Variants in MNAT1 observed in about 807,000 individuals in gnomAD.
The protein encoded by MNAT1 is CDK-activating kinase assembly factor MAT1.
A neutral mutation model predicts 42.0 loss-of-function variants in MNAT1; 43 were observed. The ratio of observed to expected loss-of-function variants is 1.02; its 90% confidence interval spans 0.80 to 1.32. MNAT1 has a LOEUF of 1.32. Ranked by LOEUF, MNAT1 falls within the 40% of genes most tolerant of loss-of-function variation. MNAT1 has a pLI of 0.00. For missense variants in MNAT1, 306 were observed against 350.4 expected (o/e 0.87, Z 1.01); for synonymous variants, 118 against 120.0 (o/e 0.98, Z 0.11).
chr14:60,948,794 T>A (rs750270105), intron 7 of MNAT1, among the ~76,000 whole-genome samples: 257 of 152,342 alleles, frequency 1.7e-3, no homozygotes, highest in Admixed American at 3.1e-3. Context: ...AATAGTTGAA[T>A]TCTTTTCAAG....
rs987187935 is a variant in MNAT1, at chr14:60,888,495, A to T, written c.809+8660A>T. On this transcript the variant is annotated intron_variant, in intron 7 of 7. Coordinates refer to ENST00000261245, the MANE Select transcript of MNAT1 (RefSeq NM_002431.4). ...GACAAACCCATAGCCAATATCATACAGAATGGACAAAAAATGGAAGCATTC... is the reference window on the plus strand; with the variant it reads ...GACAAACCCATAGCCAATATCATACTGAATGGACAAAAAATGGAAGCATTC... Among the ~76,000 whole-genome samples, 849 of 152,192 alleles carry T rather than the reference A, an allele frequency of 5.6e-3. 17 individuals are homozygous for T. The highest frequency in any genetic ancestry group is 0.019 in the African/African-American group (806 of 41,448).
chr14:60,755,510 C>G (rs547365715), intron 1 of MNAT1, among the ~76,000 whole-genome samples: 20 of 152,154 alleles, frequency 1.3e-4, no homozygotes, highest in Non-Finnish European at 2.8e-4. Context: ...CTCTTAGGCT[C>G]AAGCCATCCT....
chr14:60,853,819 A>T lies in MNAT1; in HGVS notation c.688-25895A>T, dbSNP rs183199235. ...TTGAGAAAATCATGTGTTTTTTGTC[A>T]TTGGTTCTGTTTATGTGATTGATTA... On this transcript the variant is annotated intron_variant, in intron 6 of 7. Coordinates refer to ENST00000261245, the MANE Select transcript of MNAT1 (RefSeq NM_002431.4). 4.6e-5 allele frequency among the ~76,000 whole-genome samples: 7 copies of T among 152,204 alleles called. No individual in the cohort carries two copies. In the East Asian group the frequency reaches 1.4e-3, roughly 29 times the overall value.
chr14:60,929,168 A>ATATATATAT (rs57837834), intron 7 of MNAT1, among the ~76,000 whole-genome samples: 18 of 86,130 alleles, frequency 2.1e-4, no homozygotes, highest in African/African-American at 9.8e-4. Flanking sequence ...AAAAAAAAAA[A>ATATATATAT]AAATATATAT....
intron 1 of MNAT1, among the ~76,000 whole-genome samples, chr14:60,755,541 T>C (rs2030313441): frequency 6.6e-6 from 1 of 152,170 alleles, no homozygotes; most frequent in African/African-American, 2.4e-5. Context: ...CCTCCCAAAG[T>C]GTTGGGATTG....
intron 1 of MNAT1, among the ~76,000 whole-genome samples, chr14:60,781,210 AT>A (rs916645284): frequency 5.6e-4 from 85 of 151,716 alleles, no homozygotes; most frequent in African/African-American, 2.0e-3. Context: ...ACTCTTAAAA[AT>A]TTTTTTTTGT....
At chr14:60,832,508 G>A (rs2033255035) in intron 6 of MNAT1, among the ~76,000 whole-genome samples, 1 of 152,072 alleles carries the variant, frequency 6.6e-6, no homozygotes, top group Non-Finnish European at 1.5e-5. Flanking sequence ...CGTTATTTTT[G>A]AGGCCTCTTT....
chr14:60,768,654 C>A (rs935531207), intron 1 of MNAT1, among the ~76,000 whole-genome samples: 4 of 152,152 alleles, frequency 2.6e-5, no homozygotes, highest in African/African-American at 7.2e-5. Context: ...TATTCGTTAT[C>A]TCATTTAATC....
At chr14:60,918,183 A>G (rs1416789941) in intron 7 of MNAT1, among the ~76,000 whole-genome samples, 2 of 142,530 alleles carry the variant, frequency 1.4e-5, no homozygotes, top group Non-Finnish European at 1.5e-5. Flanking sequence ...AGAAGGATCA[A>G]TCCAATTAAT....
intron 7 of MNAT1, among the ~76,000 whole-genome samples, chr14:60,889,409 T>C (rs2034775418): frequency 6.6e-6 from 1 of 152,136 alleles, no homozygotes; most frequent in South Asian, 2.1e-4. Flanking sequence ...TGTAGAAAGC[T>C]GAAACTGGAT....
chr14:60,829,350 T>C (rs188226029), intron 6 of MNAT1, among the ~76,000 whole-genome samples: 1 of 152,354 alleles, frequency 6.6e-6, no homozygotes, highest in Admixed American at 6.5e-5. Context: ...CTCTTTCTTA[T>C]ATATTCCTAT....
intron 6 of MNAT1, among the ~76,000 whole-genome samples, chr14:60,862,492 A>T (rs182489290): frequency 6.6e-6 from 1 of 152,204 alleles, no homozygotes; most frequent in Non-Finnish European, 1.5e-5. Flanking sequence ...CTGTGTGTTC[A>T]GCACAAGGGC....
At chr14:60,765,788 T>A (rs1008356564) in intron 1 of MNAT1, among the ~76,000 whole-genome samples, 1 of 152,156 alleles carries the variant, frequency 6.6e-6, no homozygotes, top group Non-Finnish European at 1.5e-5. Flanking sequence ...CAGTACTGTG[T>A]TAAAAATTTT....
intron 7 of MNAT1, among the ~76,000 whole-genome samples, chr14:60,889,262 A>G (rs1221486906): frequency 1.3e-5 from 2 of 152,226 alleles, no homozygotes; most frequent in Non-Finnish European, 2.9e-5. Context: ...ATATAGATCA[A>G]TGGAACAGAA....
chr14:60,838,352 A>G (rs1296980303), intron 6 of MNAT1, among the ~76,000 whole-genome samples: 1 of 151,866 alleles, frequency 6.6e-6, no homozygotes, highest in Admixed American at 6.6e-5. Flanking sequence ...TGCTCAGGCT[A>G]GTCTCGAACT....
intron 1 of MNAT1, among the ~76,000 whole-genome samples, chr14:60,750,958 T>C (rs2030065606): frequency 6.6e-6 from 1 of 152,210 alleles, no homozygotes; most frequent in Admixed American, 6.5e-5. Flanking sequence ...AGTATGAAAG[T>C]TTGTGCAAAA....
At chr14:60,769,228 G>A (rs1416662627) in intron 1 of MNAT1, among the ~76,000 whole-genome samples, 3 of 151,920 alleles carry the variant, frequency 2.0e-5, no homozygotes, top group Non-Finnish European at 4.4e-5. Context: ...ATTTAGTTGT[G>A]GATTCTATAT....
At position 60,845,391 on chromosome 14, in the gene MNAT1, A is replaced by C. The variant is rs931749915; in HGVS notation, c.687+26544A>C. ...ATTTGTTGACATAAAGTTGTTTATA[A>C]TATTTTCTTAATTCTTTAAATGCCT... On this transcript the variant is annotated intron_variant, in intron 6 of 7. Transcript: ENST00000261245. Among the ~76,000 whole-genome samples, 5 of 151,964 alleles carry C rather than the reference A, an allele frequency of 3.3e-5. No individual in the cohort carries two copies. In the South Asian group the frequency reaches 1.0e-3, roughly 32 times the overall value.
intron 6 of MNAT1, among the ~76,000 whole-genome samples, chr14:60,841,231 ACT>A (rs1404444627): frequency 7.8e-6 from 1 of 127,896 alleles, no homozygotes; most frequent in Non-Finnish European, 1.7e-5. Flanking sequence ...TTTCTCTCTC[ACT>A]CTCTGTCTCT....
Sources: gnomAD v4.1 joint callset for allele counts (sites outside exome capture counted in the v4.1 genomes callset) on GRCh38, gnomAD v4.1.1 for gene constraint, MANE v1.5 for transcripts, NCBI Gene and HGNC (gene_info 2026-07-23, HGNC 2026-07-21) for gene names.